Variants in ARL5A observed in about 807,000 individuals in gnomAD.
ARL5A encodes the protein ARF like GTPase 5A.
ARL5A carries 18 observed loss-of-function variants against 25.9 expected under a neutral mutation model. The observed-to-expected ratio is 0.69, with a 90% CI of 0.48 to 1.03. The LOEUF is 1.03. ARL5A is among the 50% of genes least tolerant of loss of function. The pLI is 0.00. For synonymous variants in ARL5A, 61 were observed against 67.5 expected (o/e 0.90, Z 0.47); for missense variants, 170 against 211.9 (o/e 0.80, Z 1.23).
chr2:151,814,168 C>A lies in ARL5A; in HGVS notation c.255+1G>T. On this transcript the variant is annotated splice_donor_variant, in intron 3 of 5. Coordinates refer to ENST00000295087, the MANE Select transcript of ARL5A (RefSeq NM_012097.4). LOFTEE classifies it high-confidence loss of function. ...ATTTTAAATATTGTAAGAAACATTA[C>A]CTCTGTGTTAGTATAGTAAGTGTTC... 6.4e-7 allele frequency: 1 copy of A among 1,570,940 alleles called. No individual in the cohort carries two copies. The highest frequency in any genetic ancestry group is 2.3e-4 in the Middle Eastern group (1 of 4,308).
rs751702231 is a variant in ARL5A at position 151,806,924 on chromosome 2, T to C, written c.388A>G (p.Lys130Glu). The change falls in exon 5 of 6, where the codon AAA (lysine) becomes GAA (glutamate). Residue 130 changes from lysine to glutamate, a missense_variant. By Grantham distance (56) the Lys-to-Glu change is moderately conservative. Coordinates refer to ENST00000295087, the MANE Select transcript of ARL5A (RefSeq NM_012097.4). ...ATTTCTGCTACAGTCATGCATTCTT[T>C]AACATCTTGTTTATTAGCAAAAATC... ...LLIFANKQDV[K>E]ECMTVAEISQ... The C allele has an allele frequency of 9.9e-6, 16 of 1,612,774 alleles. No homozygotes were observed. In the South Asian group the frequency reaches 1.7e-4, roughly 17 times the overall value.
intron 5 of ARL5A, among the ~76,000 whole-genome samples, chr2:151,804,434 A>AT (rs1263558174): frequency 9.2e-5 from 14 of 152,250 alleles, no homozygotes; most frequent in Admixed American, 2.0e-4. Context: ...ACAATATTAA[A>AT]TTTTTTTCAA....
intron 4 of ARL5A, 95 bp downstream of exon 4, chr2:151,812,262 T>A: frequency 1.3e-6 from 1 of 783,194 alleles, no homozygotes. Context: ...TTTTTAAAAA[T>A]TTGAAATTGA....
intron 1 of ARL5A, among the ~76,000 whole-genome samples, chr2:151,826,945 T>TGTGTGC (rs956542912): frequency 6.6e-6 from 1 of 152,112 alleles, no homozygotes; most frequent in East Asian, 1.9e-4. Flanking sequence ...TGTGTGTGTG[T>TGTGTGC]GCGTAAAAGA....
rs1799 is a variant in ARL5A at position 151,798,957 on chromosome 2, C to T, written c.*4319G>A. On this transcript the variant is annotated 3_prime_UTR_variant, in exon 6 of 6. Transcript: ENST00000295087. ...TTAAACTTTAGTTTTCAGAACAATACACAAGGGCTAGACATTGATAAGAAA... is the reference window on the plus strand; with the variant it reads ...TTAAACTTTAGTTTTCAGAACAATATACAAGGGCTAGACATTGATAAGAAA... 0.69 allele frequency: 104,949 copies of T among 152,018 alleles called. 39,638 individuals carry two copies. Among genetic ancestry groups the T allele is most frequent in the Non-Finnish European group, 0.84 (57,216 of 67,984 alleles). 9.4% of individuals were successfully genotyped at this position (152,018 alleles called of 1,614,324 possible). A position where few individuals can be genotyped will look rare whatever the true frequency, so the allele number is the denominator to read the frequency against.
intron 5 of ARL5A, among the ~76,000 whole-genome samples, 170 bp from the exon 6 acceptor site, chr2:151,803,494 C>T (rs2099829697): frequency 6.6e-6 from 1 of 152,178 alleles, no homozygotes; most frequent in South Asian, 2.1e-4. Flanking sequence ...TATTCTCATA[C>T]ACAATACATC....
chr2:151,815,989 G>C (rs2099831448), intron 1 of ARL5A, among the ~76,000 whole-genome samples: 1 of 152,152 alleles, frequency 6.6e-6, no homozygotes, highest in Non-Finnish European at 1.5e-5. Context: ...GTCCAAGATG[G>C]CCTCTGGATA....
intron 1 of ARL5A, among the ~76,000 whole-genome samples, chr2:151,823,524 A>G (rs966086848): frequency 6.6e-6 from 1 of 152,186 alleles, no homozygotes; most frequent in Admixed American, 6.5e-5. Context: ...AAAGTTCAAC[A>G]TCAAAAAAAT....
chr2:151,828,250 A>G lies in ARL5A; in HGVS notation c.-74T>C. 1.5e-6 allele frequency: 2 copies of G among 1,375,818 alleles called. No individual in the cohort carries two copies. The highest frequency in any genetic ancestry group is 1.9e-5 in the Admixed American group (1 of 53,836). The allele number at this position is 1,375,818 out of a possible 1,614,324, so 85.2% of individuals were successfully genotyped here. ...CCCCCGGCTCAGGCTGAGGGGGAGGAGAGAGACGCGCTGGAGCCTCCGCCT... is the reference window on the plus strand; with the variant it reads ...CCCCCGGCTCAGGCTGAGGGGGAGGGGAGAGACGCGCTGGAGCCTCCGCCT... On this transcript the variant is annotated 5_prime_UTR_variant, in exon 1 of 6. Coordinates refer to ENST00000295087, the MANE Select transcript of ARL5A (RefSeq NM_012097.4).
rs761803019 is a variant in ARL5A, at chr2:151,803,234, C to T, written c.*42G>A. The T allele has an allele frequency of 3.4e-6, 5 of 1,472,912 alleles. No homozygotes were observed. Among genetic ancestry groups the T allele is most frequent in the Non-Finnish European group, 3.8e-6 (4 of 1,055,964 alleles). The allele number at this position is 1,472,912 out of a possible 1,614,324, so 91.2% of individuals were successfully genotyped here. On this transcript the variant is annotated 3_prime_UTR_variant, in exon 6 of 6. Transcript: ENST00000295087. Reference sequence around the variant, plus strand: ...TTTGCAGCTTTCAGGTAAAGTCCAGCACTTCATTTATACAAAATCTATGAG... The same window carrying T: ...TTTGCAGCTTTCAGGTAAAGTCCAGTACTTCATTTATACAAAATCTATGAG...
At chr2:151,827,957 A>G in intron 1 of ARL5A, 174 bp downstream of exon 1, 1 of 631,340 alleles carries the variant, frequency 1.6e-6, no homozygotes, top group East Asian at 3.2e-5. Flanking sequence ...AACCATCCCC[A>G]AGCTCGGGAG....
intron 4 of ARL5A, among the ~76,000 whole-genome samples, chr2:151,812,073 A>C (rs1578375165): frequency 6.6e-6 from 1 of 152,168 alleles, no homozygotes; most frequent in East Asian, 1.9e-4. Flanking sequence ...CAAAATGCAA[A>C]ATGAAAGCCA....
intron 1 of ARL5A, among the ~76,000 whole-genome samples, chr2:151,824,151 TTC>T (rs1288256068): frequency 6.6e-6 from 1 of 152,240 alleles, no homozygotes; most frequent in Non-Finnish European, 1.5e-5. Context: ...CATGCAAAGA[TTC>T]TGTTTTTCAC....
chr2:151,815,773 A>C (rs1051415122), intron 1 of ARL5A, among the ~76,000 whole-genome samples: 4 of 151,992 alleles, frequency 2.6e-5, no homozygotes, highest in Non-Finnish European at 5.9e-5. Context: ...CTGTGGCACC[A>C]CTTTCTCCAA....
At chr2:151,811,696 C>T (rs1038265499) in intron 4 of ARL5A, among the ~76,000 whole-genome samples, 3 of 152,030 alleles carry the variant, frequency 2.0e-5, no homozygotes, top group Non-Finnish European at 2.9e-5. Context: ...CTCAGTCTCA[C>T]GAGTAGCTGG....
intron 1 of ARL5A, 171 bp downstream of exon 1, chr2:151,827,960 C>T: frequency 1.6e-6 from 1 of 636,562 alleles, no homozygotes; most frequent in South Asian, 1.9e-5. Flanking sequence ...CATCCCCAAG[C>T]TCGGGAGCCG....
intron 1 of ARL5A, among the ~76,000 whole-genome samples, chr2:151,815,889 C>T (rs1340746019): frequency 6.6e-6 from 1 of 152,050 alleles, no homozygotes; most frequent in Admixed American, 6.6e-5. Flanking sequence ...ACCCTCTTCA[C>T]ATTTCAGCCA....
In ARL5A at chr2:151,828,350, C is replaced by G. The variant is rs1436972239; in HGVS notation, c.-174G>C. ...GGAGGCCGAAGCCCAGGCCGCCCTG[C>G]CGCGCGCAAGGCCCCGCCGCTGCCG... On this transcript the variant is annotated 5_prime_UTR_variant, in exon 1 of 6. Coordinates refer to ENST00000295087, the MANE Select transcript of ARL5A (RefSeq NM_012097.4). 1 of 525,832 alleles carries G rather than the reference C, an allele frequency of 1.9e-6. No individual in the cohort carries two copies. Among genetic ancestry groups the G allele is most frequent in the Non-Finnish European group, 3.2e-6 (1 of 309,926 alleles). The allele number at this position is 525,832 out of a possible 1,614,324, so 32.6% of individuals were successfully genotyped here. A position where few individuals can be genotyped will look rare whatever the true frequency, so the allele number is the denominator to read the frequency against.
chr2:151,803,416 C>G (rs546864411), intron 5 of ARL5A, 92 bp from the exon 6 acceptor site: 1 of 877,118 alleles, frequency 1.1e-6, no homozygotes, highest in East Asian at 2.5e-5. Context: ...GAGCATTTTT[C>G]ATTTAGCTAA....
Sources: gnomAD v4.1 joint callset for allele counts (sites outside exome capture counted in the v4.1 genomes callset) on GRCh38, gnomAD v4.1.1 for gene constraint, MANE v1.5 for transcripts, NCBI Gene and HGNC (gene_info 2026-07-23, HGNC 2026-07-21) for gene names.